The following TENM4 variants were observed in gnomAD, a reference collection of about 807,000 sequenced individuals.
The protein encoded by TENM4 is teneurin transmembrane protein 4.
Under a neutral mutation model 243.3 loss-of-function variants are expected in TENM4, and 82 were observed. That is an observed-to-expected ratio of 0.34 (90% CI 0.28 to 0.40). TENM4 has a LOEUF of 0.40. Among genes scored for constraint, TENM4 ranks in the 10% least tolerant of loss-of-function variants. The pLI is 1.00. For synonymous variants in TENM4, 1,412 were observed against 1,456.3 expected (o/e 0.97, Z 0.69); for missense variants, 3,138 against 3,673.3 (o/e 0.85, Z 3.77).
intron 3 of TENM4, among the ~76,000 whole-genome samples, chr11:79,153,459 A>C (rs147226451): frequency 6.6e-6 from 1 of 152,124 alleles, no homozygotes; most frequent in East Asian, 1.9e-4. Flanking sequence ...GGGCAGAGGC[A>C]AGTCACCCAG....
At chr11:78,909,537 A>G (rs1450125300) in intron 6 of TENM4, among the ~76,000 whole-genome samples, 2 of 152,224 alleles carry the variant, frequency 1.3e-5, no homozygotes, top group Non-Finnish European at 2.9e-5. Flanking sequence ...GAATGCAGGT[A>G]AGGTGCTTAC....
At chr11:79,052,074 A>T (rs191115331) in intron 6 of TENM4, among the ~76,000 whole-genome samples, 133 of 152,340 alleles carry the variant, frequency 8.7e-4, no homozygotes, top group Middle Eastern at 3.4e-3. Flanking sequence ...ATAGTACTGC[A>T]ATGAACATAG....
chr11:79,435,678 G>A (rs1434826731), intron 1 of TENM4, among the ~76,000 whole-genome samples: 2 of 152,222 alleles, frequency 1.3e-5, no homozygotes, highest in Non-Finnish European at 2.9e-5. Flanking sequence ...GACCAGGACA[G>A]GGGCTGAGAA....
intron 1 of TENM4, among the ~76,000 whole-genome samples, chr11:79,316,167 A>G (rs370851503): frequency 1.1e-3 from 173 of 152,322 alleles, no homozygotes; most frequent in South Asian, 5.0e-3. Flanking sequence ...GAGGAAGCAG[A>G]TAGTGGGAGA....
chr11:79,354,700 C>A (rs1857468071), intron 1 of TENM4, among the ~76,000 whole-genome samples: 1 of 152,136 alleles, frequency 6.6e-6, no homozygotes, highest in Non-Finnish European at 1.5e-5. Flanking sequence ...CAAAGACCCT[C>A]AATCCATCCC....
At chr11:79,432,067 G>T (rs1859179914) in intron 1 of TENM4, among the ~76,000 whole-genome samples, 1 of 152,106 alleles carries the variant, frequency 6.6e-6, no homozygotes, top group Admixed American at 6.5e-5. Context: ...GATTAGTTTT[G>T]TTTCATTTTA....
chr11:79,044,516 T>C (rs1328885413), intron 6 of TENM4, among the ~76,000 whole-genome samples: 1 of 152,210 alleles, frequency 6.6e-6, no homozygotes, highest in African/African-American at 2.4e-5. Flanking sequence ...TTTGCTAATA[T>C]GTCAGTAATA....
intron 26 of TENM4, among the ~76,000 whole-genome samples, chr11:78,711,338 C>G (rs1438730079): frequency 6.6e-6 from 1 of 152,144 alleles, no homozygotes; most frequent in Non-Finnish European, 1.5e-5. Context: ...ATTTACATTC[C>G]TAATATTCAA....
intron 1 of TENM4, chr11:79,439,156 C>G (rs112600688): frequency 7.4e-5 from 11 of 148,234 alleles, no homozygotes; most frequent in South Asian, 4.4e-4. Context: ...ATTGGAATCC[C>G]GAGCTTGCCC....
intron 1 of TENM4, among the ~76,000 whole-genome samples, chr11:79,342,843 G>T (rs188626628): frequency 7.2e-5 from 11 of 152,330 alleles, no homozygotes; most frequent in Middle Eastern, 3.4e-3. Flanking sequence ...AGTTCTCAGT[G>T]CAGTTCCCTT....
At chr11:79,245,146 C>T (rs139919918) in intron 2 of TENM4, among the ~76,000 whole-genome samples, 2 of 152,322 alleles carry the variant, frequency 1.3e-5, no homozygotes, top group Non-Finnish European at 2.9e-5. Context: ...TGAATGCAGG[C>T]ACACCTTATC....
intron 32 of TENM4, among the ~76,000 whole-genome samples, chr11:78,668,280 T>C (rs1034745394): frequency 2.6e-5 from 4 of 152,208 alleles, no homozygotes; most frequent in Admixed American, 2.6e-4. Context: ...TAGGACTCTT[T>C]TTTTAGTTTT....
At chr11:78,779,553 G>A (rs999078850) in intron 16 of TENM4, among the ~76,000 whole-genome samples, 1 of 152,194 alleles carries the variant, frequency 6.6e-6, no homozygotes, top group African/African-American at 2.4e-5. Context: ...GAGCAGGGCA[G>A]GCCTCTTAAT....
At position 79,281,984 on chromosome 11, in the gene TENM4, G is replaced by T. The variant is rs558263427; in HGVS notation, c.-265+15504C>A. Among the ~76,000 whole-genome samples the T allele has an allele frequency of 6.6e-4, 101 of 152,256 alleles. 1 individual carries two copies. Among genetic ancestry groups the T allele is most frequent in the African/African-American group, 2.4e-3 (99 of 41,556 alleles). ...GGGCCTGGAAGGCCCTGTCCCACAG[G>T]CCCACTAGGCAGATTCCTATGCATC... On this transcript the variant is annotated intron_variant, in intron 2 of 33. Coordinates refer to ENST00000278550, the MANE Select transcript of TENM4 (RefSeq NM_001098816.3).
chr11:79,230,040 T>G (rs978710599), intron 2 of TENM4, among the ~76,000 whole-genome samples: 3 of 151,834 alleles, frequency 2.0e-5, no homozygotes, highest in African/African-American at 7.3e-5. Flanking sequence ...CTTGCTATGT[T>G]TCCCAGGCTG....
intron 6 of TENM4, among the ~76,000 whole-genome samples, chr11:78,910,676 A>G (rs1856165235): frequency 6.6e-6 from 1 of 152,260 alleles, no homozygotes; most frequent in Non-Finnish European, 1.5e-5. Flanking sequence ...AATCAGTATT[A>G]TTGTTACCTG....
chr11:78,775,314 C>G (rs968528763), intron 17 of TENM4, among the ~76,000 whole-genome samples: 2 of 152,192 alleles, frequency 1.3e-5, no homozygotes, highest in African/African-American at 2.4e-5. Context: ...TGCTCTGAGG[C>G]TGCCTGAAAA....
intron 6 of TENM4, among the ~76,000 whole-genome samples, chr11:78,931,970 G>C (rs935118543): frequency 6.6e-6 from 1 of 152,118 alleles, no homozygotes; most frequent in Non-Finnish European, 1.5e-5. Flanking sequence ...TCCAGCCTGC[G>C]CCACAGAGCA....
intron 4 of TENM4, among the ~76,000 whole-genome samples, chr11:79,145,763 G>A (rs1237634356): frequency 5.3e-5 from 8 of 151,874 alleles, no homozygotes; most frequent in South Asian, 2.1e-4. Context: ...TGTAAGTTTC[G>A]GTTGTTTCAC....
Sources: gnomAD v4.1 joint callset for allele counts (sites outside exome capture counted in the v4.1 genomes callset) on GRCh38, gnomAD v4.1.1 for gene constraint, MANE v1.5 for transcripts, NCBI Gene and HGNC (gene_info 2026-07-23, HGNC 2026-07-21) for gene names.